The following SPEF2 variants were observed in gnomAD, a reference collection of about 807,000 sequenced individuals.
SPEF2 encodes sperm flagella and cilia-associated protein 2.
A neutral mutation model predicts 224.6 loss-of-function variants in SPEF2; 187 were observed. That is an observed-to-expected ratio of 0.83 (90% CI 0.74 to 0.94). The LOEUF (loss-of-function observed/expected upper bound fraction) is 0.94, where lower values mean the gene tolerates loss of function less well. Ranked by LOEUF, SPEF2 falls within the 40% of genes least tolerant of loss-of-function variation. SPEF2 has a pLI of 0.00. For missense variants in SPEF2, 2,170 were observed against 2,135.6 expected (o/e 1.02, Z -0.32); for synonymous variants, 715 against 707.3 (o/e 1.01, Z -0.17).
intron 1 of SPEF2, among the ~76,000 whole-genome samples, chr5:35,618,766 A>G (rs569827719): frequency 6.6e-6 from 1 of 152,242 alleles, no homozygotes; most frequent in East Asian, 1.9e-4. Flanking sequence ...GTTGCCACCC[A>G]AAGTTTCCAA....
intron 2 of SPEF2, among the ~76,000 whole-genome samples, chr5:35,630,290 G>C (rs967216280): frequency 9.9e-5 from 15 of 152,140 alleles, no homozygotes; most frequent in African/African-American, 3.6e-4. Flanking sequence ...AGCTCCACTA[G>C]GTAGTTCCCC....
At chr5:35,806,341 G>C (rs1758052895) in intron 34 of SPEF2, among the ~76,000 whole-genome samples, 1 of 152,156 alleles carries the variant, frequency 6.6e-6, no homozygotes, top group African/African-American at 2.4e-5. Context: ...ACTTGCCTTA[G>C]CCTCTCAATT....
rs286438 is a variant in SPEF2, at chr5:35,621,602, T to C, written c.58+3547T>C. Among the ~76,000 whole-genome samples the C allele has an allele frequency of 6.9e-3, 1,047 of 152,280 alleles. 23 individuals carry two copies. Among genetic ancestry groups the C allele is most frequent in the African/African-American group, 0.024 (1,002 of 41,562 alleles). Reference sequence around the variant, plus strand: ...CACAAGAAATAGAAAAATTCAGCCATCTCGGCCTATTATAATATCATAGGG... The same window carrying C: ...CACAAGAAATAGAAAAATTCAGCCACCTCGGCCTATTATAATATCATAGGG... On this transcript the variant is annotated intron_variant, in intron 1 of 36. Transcript: ENST00000356031.
At chr5:35,676,027 G>C (rs1414882833) in intron 10 of SPEF2, 1 of 456,138 alleles carries the variant, frequency 2.2e-6, no homozygotes, top group Non-Finnish European at 4.4e-6. Flanking sequence ...AGAAATTGTT[G>C]AATTAAGGTA....
intron 2 of SPEF2, among the ~76,000 whole-genome samples, chr5:35,634,256 A>C (rs1314419228): frequency 6.6e-6 from 1 of 152,032 alleles, no homozygotes; most frequent in Non-Finnish European, 1.5e-5. Context: ...GTTTTGATAC[A>C]TATTTTTACC....
chr5:35,730,794 A>T (rs1051887032), intron 21 of SPEF2, among the ~76,000 whole-genome samples: 5 of 152,222 alleles, frequency 3.3e-5, no homozygotes, highest in Admixed American at 6.5e-5. Flanking sequence ...GCATATTTCA[A>T]ACCTATAGTG....
intron 13 of SPEF2, among the ~76,000 whole-genome samples, chr5:35,695,396 T>C (rs1317447162): frequency 6.6e-6 from 1 of 152,168 alleles, no homozygotes; most frequent in Non-Finnish European, 1.5e-5. Context: ...TTTAACATTT[T>C]TTTGAAAAAC....
At chr5:35,660,412 A>C (rs765552135) in intron 8 of SPEF2, among the ~76,000 whole-genome samples, 1 of 152,228 alleles carries the variant, frequency 6.6e-6, no homozygotes, top group Non-Finnish European at 1.5e-5. Flanking sequence ...TTCCACTGTG[A>C]TACCCCATGA....
chr5:35,648,767 A>G (rs923077181), intron 5 of SPEF2, among the ~76,000 whole-genome samples: 12 of 152,176 alleles, frequency 7.9e-5, no homozygotes, highest in Non-Finnish European at 1.2e-4. Flanking sequence ...GAAATATTTG[A>G]CTTTGGAAGG....
intron 10 of SPEF2, among the ~76,000 whole-genome samples, chr5:35,685,947 A>G (rs925768058): frequency 2.0e-5 from 3 of 151,842 alleles, no homozygotes; most frequent in Middle Eastern, 3.5e-3. Context: ...ATAATGAAAT[A>G]TAATGTACCC....
intron 36 of SPEF2, among the ~76,000 whole-genome samples, chr5:35,811,961 A>AT (rs751337579): frequency 6.5e-4 from 98 of 150,376 alleles, no homozygotes; most frequent in Non-Finnish European, 1.2e-3. Flanking sequence ...ATTTCTCCAT[A>AT]TTTTTTTTAT....
rs374195081 is a variant in SPEF2, at chr5:35,739,981, C to T, written c.3126C>T (p.Ile1042=). The stretch of plus-strand genomic sequence containing the variant: ...TAGAAAATTCCTATATAAACACCAT[C>T]AAAACAGTACTCAGGCATCTGAGGG... The part of the protein sequence containing the change: ...ELIENSYINT[I]KTVLRHLRED... The change falls in exon 22 of 37, where the codon ATC becomes ATT. Residue 1042 remains isoleucine (I), a synonymous_variant. Transcript: ENST00000356031. 1.2e-6 allele frequency: 2 copies of T among 1,614,008 alleles called. No homozygotes were observed. Among genetic ancestry groups the T allele is most frequent in the Non-Finnish European group, 1.7e-6 (2 of 1,180,008 alleles).
intron 23 of SPEF2, among the ~76,000 whole-genome samples, chr5:35,750,959 CAGTG>C (rs1420092214): frequency 7.8e-6 from 1 of 128,558 alleles, no homozygotes; most frequent in African/African-American, 2.9e-5. Context: ...ACCCATCAGT[CAGTG>C]AGTGGATAAA....
At chr5:35,662,029 T>C (rs1028825934) in intron 8 of SPEF2, among the ~76,000 whole-genome samples, 1 of 152,172 alleles carries the variant, frequency 6.6e-6, no homozygotes, top group Non-Finnish European at 1.5e-5. Flanking sequence ...TTGAACTAAT[T>C]TACTCTTCCA....
intron 10 of SPEF2, chr5:35,670,990 C>A (rs770386564): frequency 1.2e-4 from 123 of 985,190 alleles, no homozygotes; most frequent in African/African-American, 3.5e-5. Context: ...CATCCCACTC[C>A]ATCTCACCCT....
chr5:35,635,799 A>G (rs1745752035), intron 2 of SPEF2, among the ~76,000 whole-genome samples: 3 of 152,210 alleles, frequency 2.0e-5, no homozygotes, highest in Admixed American at 1.3e-4. Flanking sequence ...TCAGCCTCAT[A>G]GAGTGTTTAT....
chr5:35,755,219 G>T (rs1006653839), intron 24 of SPEF2, among the ~76,000 whole-genome samples: 2 of 152,240 alleles, frequency 1.3e-5, no homozygotes, highest in African/African-American at 4.8e-5. Flanking sequence ...CATGGCATGG[G>T]TTGTATGCAA....
Position 35,772,965 on chromosome 5 carries a change from G to A in SPEF2, c.3950-928G>A, listed in dbSNP as rs184735211. On this transcript the variant is annotated intron_variant, in intron 27 of 36. Transcript: ENST00000356031. ...AAATAGAGCTATGTAAATGGGCCCTGCAACTAGAATCATATTGCCATAGCC... is the reference window on the plus strand; with the variant it reads ...AAATAGAGCTATGTAAATGGGCCCTACAACTAGAATCATATTGCCATAGCC... Among the ~76,000 whole-genome samples, 25 of 152,300 alleles carry A rather than the reference G, an allele frequency of 1.6e-4. No homozygotes were observed. In the South Asian group the frequency reaches 1.7e-3, roughly 10 times the overall value.
chr5:35,661,269 T>TAC (rs1179609729), intron 8 of SPEF2, among the ~76,000 whole-genome samples: 1 of 24,936 alleles, frequency 4.0e-5, no homozygotes, highest in Non-Finnish European at 7.0e-5. Flanking sequence ...TATATATATA[T>TAC]ATATATATAT....
Sources: allele counts gnomAD v4.1 joint callset (sites outside exome capture counted in the v4.1 genomes callset), GRCh38; gene constraint gnomAD v4.1.1; transcripts MANE v1.5; gene names NCBI Gene and HGNC (gene_info 2026-07-23, HGNC 2026-07-21).